Variants in COA1 observed in about 807,000 individuals in gnomAD.
COA1 encodes cytochrome c oxidase assembly factor 1.
COA1 carries 13 observed loss-of-function variants against 16.0 expected under a neutral mutation model. The observed-to-expected ratio is 0.81, with a 90% CI of 0.53 to 1.29. The LOEUF is 1.29. Ranked by LOEUF, COA1 falls within the 50% of genes most tolerant of loss-of-function variation. The pLI, the probability that COA1 is intolerant of heterozygous loss-of-function variation, is 0.00. For synonymous variants in COA1, 65 were observed against 65.7 expected (o/e 0.99, Z 0.05); for missense variants, 179 against 177.0 (o/e 1.01, Z -0.06).
At chr7:43,612,746 C>T (rs942928973) in intron 6 of COA1, among the ~76,000 whole-genome samples, 1 of 151,900 alleles carries the variant, frequency 6.6e-6, no homozygotes, top group African/African-American at 2.4e-5. Context: ...GATCAATTTG[C>T]CAAAAGACTG....
At chr7:43,706,253 C>A (rs2094968716) in intron 1 of COA1, among the ~76,000 whole-genome samples, 1 of 152,090 alleles carries the variant, frequency 6.6e-6, no homozygotes. Flanking sequence ...ATATTAGAAT[C>A]CAAGCCAGGC....
At chr7:43,691,072 A>AAC (rs1554541690) in intron 1 of COA1, among the ~76,000 whole-genome samples, 1,470 of 105,302 alleles carry the variant, frequency 0.014, 10 homozygotes, top group Middle Eastern at 0.044. Context: ...AAAAAAAAAA[A>AAC]AAAAACAAAA....
At chr7:43,624,758 G>A in intron 6 of COA1, 1 of 1,613,552 alleles carries the variant, frequency 6.2e-7, no homozygotes. Context: ...CTGAAAAAGA[G>A]AAAATGGAGC....
chr7:43,689,789 A>G (rs1000777540), intron 1 of COA1, among the ~76,000 whole-genome samples: 2 of 152,230 alleles, frequency 1.3e-5, no homozygotes, highest in Non-Finnish European at 2.9e-5. Flanking sequence ...AGGTTCTTGT[A>G]TGAAATAGTG....
intron 3 of COA1, chr7:43,647,218 C>T (rs1563240585): frequency 2.4e-6 from 1 of 414,220 alleles, no homozygotes; most frequent in African/African-American, 2.0e-5. Flanking sequence ...ATTCCCCTTC[C>T]CTCTGTCCCT....
At chr7:43,677,892 G>A (rs2093609550) in intron 1 of COA1, among the ~76,000 whole-genome samples, 1 of 150,742 alleles carries the variant, frequency 6.6e-6, no homozygotes, top group Non-Finnish European at 1.5e-5. Context: ...ATGAAATTCA[G>A]CCTACTGAAT....
intron 6 of COA1, among the ~76,000 whole-genome samples, chr7:43,612,368 A>G (rs558629965): frequency 1.4e-3 from 218 of 152,304 alleles, no homozygotes; most frequent in South Asian, 0.013. Context: ...GTCATTTCCA[A>G]TTGGCCTCTG....
intron 1 of COA1, among the ~76,000 whole-genome samples, chr7:43,712,194 C>A (rs908964475): frequency 3.3e-5 from 5 of 152,044 alleles, no homozygotes; most frequent in African/African-American, 1.2e-4. Context: ...CTCACTGCAA[C>A]CTCCACCTCC....
At chr7:43,646,840 G>A (rs2089454773) in intron 3 of COA1, 2 of 276,170 alleles carry the variant, frequency 7.2e-6, no homozygotes, top group Admixed American at 4.2e-5. Context: ...ATCCTGGGAA[G>A]AAGTGAAAAT....
At chr7:43,712,128 T>C (rs1002776017) in intron 1 of COA1, among the ~76,000 whole-genome samples, 1 of 152,096 alleles carries the variant, frequency 6.6e-6, no homozygotes, top group African/African-American at 2.4e-5. Context: ...AACTTTTTTT[T>C]TTGAGACAGA....
intron 1 of COA1, among the ~76,000 whole-genome samples, chr7:43,713,566 C>T (rs1224769138): frequency 1.3e-5 from 2 of 152,158 alleles, no homozygotes; most frequent in African/African-American, 4.8e-5. Flanking sequence ...TTCATCTCAT[C>T]TCTCTGAATA....
In COA1 at chr7:43,691,333, AAGAG is replaced by A. The variant is rs1268972248; in HGVS notation, c.-39+38092_-39+38095del. Among the ~76,000 whole-genome samples the A allele has an allele frequency of 1.2e-4, 9 of 75,596 alleles. 2 individuals carry two copies. The highest frequency in any genetic ancestry group is 4.2e-4 in the African/African-American group (8 of 19,104). The allele number at this position is 75,596 out of a possible 152,430, so 49.6% of individuals were successfully genotyped here. ...AGAAAGAAAGAAAGAAAGAAAGAGAAAGAGAGAGAGGGAGGGAGGGAGGGAGGGA... is the reference window on the plus strand; with the variant it reads ...AGAAAGAAAGAAAGAAAGAAAGAGAAAGAGAGGGAGGGAGGGAGGGAGGGA... On this transcript the variant is annotated intron_variant, in intron 1 of 5. Transcript: ENST00000223336.
At chr7:43,644,817 G>GAGAGAGACAGAGAGAGAGAC (rs2088708073) in intron 4 of COA1, among the ~76,000 whole-genome samples, 1 of 126,614 alleles carries the variant, frequency 7.9e-6, no homozygotes, top group Non-Finnish European at 1.9e-5. Context: ...GAGAGAGAGA[G>GAGAGAGACAGAGAGAGAGAC]AGAGAGAGAG....
intron 1 of COA1, among the ~76,000 whole-genome samples, chr7:43,669,860 T>C (rs1288903725): frequency 6.6e-6 from 1 of 152,028 alleles, no homozygotes. Context: ...AAAATATTGG[T>C]TCACTCCCTG....
intron 1 of COA1, among the ~76,000 whole-genome samples, chr7:43,663,129 C>G (rs948974734): frequency 2.0e-5 from 3 of 152,140 alleles, no homozygotes; most frequent in Non-Finnish European, 4.4e-5. Context: ...CTTGCGAGAT[C>G]TGGTTGTTTC....
intron 6 of COA1, chr7:43,623,482 T>C (rs2084135572): frequency 7.5e-6 from 8 of 1,069,538 alleles, no homozygotes; most frequent in Admixed American, 2.0e-5. Flanking sequence ...TAGTGCCTTA[T>C]AGTTTCTAAT....
intron 1 of COA1, among the ~76,000 whole-genome samples, chr7:43,691,178 G>A (rs2094272038): frequency 6.7e-6 from 1 of 149,876 alleles, no homozygotes; most frequent in East Asian, 1.9e-4. Flanking sequence ...GAGGCCAGGA[G>A]TTTGGGGCTG....
intron 1 of COA1, among the ~76,000 whole-genome samples, chr7:43,665,108 T>C (rs1209153963): frequency 6.6e-6 from 1 of 152,170 alleles, no homozygotes; most frequent in Non-Finnish European, 1.5e-5. Context: ...ATTAATGTGT[T>C]TTACATGTTA....
In COA1 at chr7:43,709,514, A is replaced by G. The variant is rs142145408; in HGVS notation, c.-39+19915T>C. ...CATATATATAAAATGCTTCAGCACT[A>G]TTTACTGAAATATATTGTCACCGTT... On this transcript the variant is annotated intron_variant, in intron 1 of 5. Transcript: ENST00000223336. 4.6e-5 allele frequency among the ~76,000 whole-genome samples: 7 copies of G among 151,488 alleles called. No individual in the cohort carries two copies. In the East Asian group the frequency reaches 1.2e-3, roughly 25 times the overall value.
Sources: allele counts gnomAD v4.1 joint callset (sites outside exome capture counted in the v4.1 genomes callset), GRCh38; gene constraint gnomAD v4.1.1; transcripts MANE v1.5; gene names NCBI Gene and HGNC (gene_info 2026-07-23, HGNC 2026-07-21).